The following STXBP6 variants were observed in gnomAD, a reference collection of about 807,000 sequenced individuals.
STXBP6 encodes syntaxin binding protein 6.
Under a neutral mutation model 26.9 loss-of-function variants are expected in STXBP6, and 21 were observed. The ratio of observed to expected loss-of-function variants is 0.78; its 90% confidence interval spans 0.55 to 1.12. The LOEUF is 1.12. Among genes scored for constraint, STXBP6 ranks in the 50% most tolerant of loss-of-function variants. The pLI is 0.00. For missense variants in STXBP6, 232 were observed against 257.9 expected, an observed-to-expected ratio of 0.90 and a Z score of 0.69; for synonymous variants, 97 against 92.6, an observed-to-expected ratio of 1.05 and a Z score of -0.27.
At chr14:24,912,207 A>G (rs563751815) in intron 2 of STXBP6, among the ~76,000 whole-genome samples, 3 of 152,292 alleles carry the variant, frequency 2.0e-5, no homozygotes, top group African/African-American at 7.2e-5. Flanking sequence ...TTGAGGTCTG[A>G]GTTAGAATTT....
intron 2 of STXBP6, among the ~76,000 whole-genome samples, chr14:24,955,677 C>G (rs2073320066): frequency 6.6e-6 from 1 of 152,076 alleles, no homozygotes; most frequent in African/African-American, 2.4e-5. Context: ...CCTCAGGGCA[C>G]AGGGTATCTC....
chr14:24,966,879 A>G (rs2073751511), intron 2 of STXBP6, among the ~76,000 whole-genome samples: 1 of 152,232 alleles, frequency 6.6e-6, no homozygotes, highest in Admixed American at 6.5e-5. Context: ...AGTTGTTGGT[A>G]TACAGGACTG....
chr14:25,013,230 C>G lies in STXBP6; in HGVS notation c.-33+36648G>C, dbSNP rs114218006. Among the ~76,000 whole-genome samples, 1,029 of 152,112 alleles carry G rather than the reference C, an allele frequency of 6.8e-3. 10 individuals are homozygous for G. The highest frequency in any genetic ancestry group is 0.023 in the African/African-American group (965 of 41,496). On this transcript the variant is annotated intron_variant, in intron 1 of 5. Coordinates refer to ENST00000323944, the MANE Select transcript of STXBP6 (RefSeq NM_001394410.1). ...TTGGTTATCTCTGGATGCTAGGGAGCCAAATATTTTGAAAACTGGTAGATA... is the reference window on the plus strand; with the variant it reads ...TTGGTTATCTCTGGATGCTAGGGAGGCAAATATTTTGAAAACTGGTAGATA...
intron 4 of STXBP6, among the ~76,000 whole-genome samples, chr14:24,822,919 T>C (rs2068179352): frequency 6.6e-6 from 1 of 152,138 alleles, no homozygotes; most frequent in Admixed American, 6.6e-5. Flanking sequence ...GATGCCTAAC[T>C]CAAAAGTTGG....
chr14:24,824,960 G>A lies in STXBP6; in HGVS notation c.452-5766C>T, dbSNP rs140528857. On this transcript the variant is annotated intron_variant, in intron 4 of 5. Transcript: ENST00000323944. ...CTCCAAAGCTCTTAACATCTATGTC[G>A]GCATTTGCCAAAGTGGTTCTGTGAG... 2.7e-3 allele frequency among the ~76,000 whole-genome samples: 414 copies of A among 152,310 alleles called. 3 individuals carry two copies. Among genetic ancestry groups the A allele is most frequent in the African/African-American group, 9.1e-3 (378 of 41,568 alleles).
intron 4 of STXBP6, among the ~76,000 whole-genome samples, chr14:24,854,237 AG>A (rs1334784900): frequency 6.6e-6 from 1 of 152,046 alleles, no homozygotes; most frequent in Non-Finnish European, 1.5e-5. Context: ...AGAATGAAGG[AG>A]GTAGCTCGTT....
intron 2 of STXBP6, among the ~76,000 whole-genome samples, chr14:24,916,598 G>A (rs2071779418): frequency 3.9e-5 from 6 of 152,090 alleles, no homozygotes; most frequent in Admixed American, 2.6e-4. Context: ...GGAGTGTTTT[G>A]TTTTATTTAA....
At chr14:25,014,527 T>C (rs966098597) in intron 1 of STXBP6, among the ~76,000 whole-genome samples, 3 of 152,196 alleles carry the variant, frequency 2.0e-5, no homozygotes, top group African/African-American at 7.2e-5. Flanking sequence ...ACTTGTCTTC[T>C]CTTGACTTCT....
intron 2 of STXBP6, among the ~76,000 whole-genome samples, chr14:24,891,873 C>T (rs936707246): frequency 3.3e-5 from 5 of 152,194 alleles, no homozygotes; most frequent in Non-Finnish European, 7.3e-5. Context: ...TGGTGCAGAA[C>T]ATTTCCTCTT....
intron 2 of STXBP6, among the ~76,000 whole-genome samples, chr14:24,901,563 C>T (rs1487149308): frequency 6.6e-6 from 1 of 152,120 alleles, no homozygotes; most frequent in East Asian, 1.9e-4. Context: ...AAGAATAATA[C>T]TAGAATGTAC....
chr14:24,831,813 T>C (rs904088292), intron 4 of STXBP6, among the ~76,000 whole-genome samples: 27 of 151,894 alleles, frequency 1.8e-4, no homozygotes, highest in Admixed American at 1.4e-3. Flanking sequence ...GATTTGCTCA[T>C]GTAAAATAAA....
At chr14:25,032,452 C>T (rs1177952334) in intron 1 of STXBP6, among the ~76,000 whole-genome samples, 9 of 152,216 alleles carry the variant, frequency 5.9e-5, no homozygotes. Flanking sequence ...CATCTCTCCC[C>T]CAGTCCTCAG....
intron 4 of STXBP6, among the ~76,000 whole-genome samples, chr14:24,853,973 A>T (rs1213363126): frequency 6.6e-6 from 1 of 152,078 alleles, no homozygotes; most frequent in Non-Finnish European, 1.5e-5. Flanking sequence ...GAGTAGTGGC[A>T]ATTAGGGTCT....
chr14:24,907,050 T>C (rs1242200088), intron 2 of STXBP6, among the ~76,000 whole-genome samples: 1 of 151,684 alleles, frequency 6.6e-6, no homozygotes, highest in Non-Finnish European at 1.5e-5. Flanking sequence ...AGAATAAGAG[T>C]TGGTTATGAG....
At chr14:24,863,487 T>G (rs2069615995) in intron 2 of STXBP6, among the ~76,000 whole-genome samples, 1 of 152,144 alleles carries the variant, frequency 6.6e-6, no homozygotes, top group Admixed American at 6.6e-5. Flanking sequence ...TTTAAGGTAT[T>G]TGAACATTTT....
chr14:24,907,089 T>G (rs769957324), intron 2 of STXBP6, among the ~76,000 whole-genome samples: 4 of 152,152 alleles, frequency 2.6e-5, no homozygotes, highest in African/African-American at 4.8e-5. Flanking sequence ...AGGAATATGT[T>G]CTAGTGTTTT....
intron 1 of STXBP6, among the ~76,000 whole-genome samples, chr14:24,979,424 C>T (rs2074128981): frequency 1.3e-5 from 2 of 152,208 alleles, no homozygotes; most frequent in African/African-American, 4.8e-5. Context: ...CCCTGGAAGA[C>T]TCTGGGGGGA....
chr14:24,823,111 G>A (rs1047389152), intron 4 of STXBP6, among the ~76,000 whole-genome samples: 2 of 152,158 alleles, frequency 1.3e-5, no homozygotes, highest in African/African-American at 4.8e-5. Flanking sequence ...TCTGGAGATA[G>A]AGCAGAGACC....
intron 2 of STXBP6, among the ~76,000 whole-genome samples, chr14:24,967,951 C>T (rs2073785436): frequency 6.6e-6 from 1 of 152,226 alleles, no homozygotes; most frequent in Non-Finnish European, 1.5e-5. Context: ...ATGTCTGACT[C>T]TGCCACTTCC....
Sources: gnomAD v4.1 joint callset for allele counts (sites outside exome capture counted in the v4.1 genomes callset) on GRCh38, gnomAD v4.1.1 for gene constraint, MANE v1.5 for transcripts, NCBI Gene and HGNC (gene_info 2026-07-23, HGNC 2026-07-21) for gene names.